The following PDZD8 variants were observed in gnomAD, a reference collection of about 807,000 sequenced individuals.
PDZD8 encodes PDZ domain-containing protein 8.
PDZD8 carries 14 observed loss-of-function variants against 85.8 expected under a neutral mutation model. The ratio of observed to expected loss-of-function variants is 0.16; its 90% CI spans 0.11 to 0.26. The LOEUF (loss-of-function observed/expected upper bound fraction) is 0.26, where lower values mean the gene tolerates loss of function less well. PDZD8 is among the 10% of genes least tolerant of loss of function. The probability of loss-of-function intolerance (pLI) is 1.00; values close to 1 mark genes in which losing one functional copy is unlikely to be tolerated. For missense variants in PDZD8, 1,197 were observed against 1,424.3 expected (o/e 0.84, Z 2.57); for synonymous variants, 592 against 568.6 (o/e 1.04, Z -0.59).
Position 117,374,497 on chromosome 10 carries a change from G to C in PDZD8, c.731C>G (p.Ser244Cys), listed in dbSNP as rs945507144. 16 of 1,613,534 alleles carry C rather than the reference G, an allele frequency of 9.9e-6. No homozygotes were observed. In the Admixed American group the frequency reaches 1.5e-4, roughly 15 times the overall value. ...GTCGATCAGCGGGTCTTCCACGAAGGAGAAGAACCAGTGGGTGAAGGGCAC... is the reference window on the plus strand; with the variant it reads ...GTCGATCAGCGGGTCTTCCACGAAGCAGAAGAACCAGTGGGTGAAGGGCAC... The part of the protein sequence containing the change: ...TRVPFTHWFF[S>C]FVEDPLIDFE... Residue 244 changes from serine to cysteine, a missense_variant, in exon 1 of 5, where the codon TCC (serine) becomes TGC (cysteine). Physicochemically the swap from Ser to Cys is moderately radical, Grantham distance 112. Around this residue, in one of 4 missense-constraint regions of PDZD8, gnomAD observed 344 missense variants for 453.6 expected, o/e 0.76. Coordinates refer to ENST00000334464, the MANE Select transcript of PDZD8 (RefSeq NM_173791.5). The surrounding 1 kb of genome is among the most constrained non-coding windows in gnomAD (Gnocchi z 7.8).
At chr10:117,293,912 C>CTGGAGAG (rs1843708789) in intron 3 of PDZD8, among the ~76,000 whole-genome samples, 1 of 151,912 alleles carries the variant, frequency 6.6e-6, no homozygotes, top group Non-Finnish European at 1.5e-5. Flanking sequence ...TAGGAAAACC[C>CTGGAGAG]CAAATATCTG....
At chr10:117,323,468 T>C (rs142442235) in intron 2 of PDZD8, among the ~76,000 whole-genome samples, 1 of 152,248 alleles carries the variant, frequency 6.6e-6, no homozygotes, top group East Asian at 1.9e-4. Context: ...TAAAACCCCC[T>C]GAAAATTCCA....
At chr10:117,333,053 A>G (rs1473213181) in intron 2 of PDZD8, among the ~76,000 whole-genome samples, 1 of 132,274 alleles carries the variant, frequency 7.6e-6, no homozygotes, top group East Asian at 2.5e-4. Context: ...TGGTAGGCAT[A>G]GGTTGTGGTG....
In PDZD8 at chr10:117,336,130, T is replaced by G. The variant is rs112495830; in HGVS notation, c.995+4850A>C. 3.9e-3 allele frequency among the ~76,000 whole-genome samples: 588 copies of G among 152,344 alleles called. 4 individuals are homozygous for G. Among genetic ancestry groups the G allele is most frequent in the African/African-American group, 0.013 (557 of 41,590 alleles). ...TACACTTTATAGCCTGAAGGTAATT[T>G]TATACAAAAATATTGTTTCCTGCAT... On this transcript the variant is annotated intron_variant, in intron 2 of 4. Coordinates refer to ENST00000334464, the MANE Select transcript of PDZD8 (RefSeq NM_173791.5).
At chr10:117,312,121 C>A (rs114353875) in intron 3 of PDZD8, among the ~76,000 whole-genome samples, 1 of 151,934 alleles carries the variant, frequency 6.6e-6, no homozygotes, top group Non-Finnish European at 1.5e-5. Flanking sequence ...AGAATGTATC[C>A]GAGGGCAAAC....
Position 117,283,023 on chromosome 10 carries a change from T to C in PDZD8, c.*245A>G. 1 of 426,700 alleles carries C rather than the reference T, an allele frequency of 2.3e-6. No individual in the cohort carries two copies. Among genetic ancestry groups the C allele is most frequent in the South Asian group, 6.1e-5 (1 of 16,420 alleles). 26.4% of individuals were successfully genotyped at this position (426,700 alleles called of 1,614,324 possible). A position where few individuals can be genotyped will look rare whatever the true frequency, so the allele number is the denominator to read the frequency against. On this transcript the variant is annotated 3_prime_UTR_variant, in exon 5 of 5. Transcript: ENST00000334464. ...TTACATAATTAGAAAAGTTAAATAA[T>C]TTAGTAAAAATAAATTCCCAGTATA...
In PDZD8 at chr10:117,341,055, T is replaced by A; in HGVS notation, c.920A>T (p.Asp307Val). 1 of 1,613,798 alleles carries A rather than the reference T, an allele frequency of 6.2e-7. No homozygotes were observed. The highest frequency in any genetic ancestry group is 8.5e-7 in the Non-Finnish European group (1 of 1,179,710). ...TTGTTGTATATGGATATGCTCTTCATCTTCTTCAAATCCTTGCAAGGTCTG... is the reference window on the plus strand; with the variant it reads ...TTGTTGTATATGGATATGCTCTTCAACTTCTTCAAATCCTTGCAAGGTCTG... Reference protein sequence around the residue: ...PYQTLQGFEEDEEHIHIQQWA... With the variant: ...PYQTLQGFEEVEEHIHIQQWA... Residue 307 changes from aspartate to valine, a missense_variant, in exon 2 of 5, where the codon GAT becomes GTT. Asp to Val is a radical substitution (Grantham distance 152). This residue lies in a region of PDZD8 where 344 missense variants were observed against 453.6 expected (regional missense o/e 0.76). Transcript: ENST00000334464.
intron 3 of PDZD8, among the ~76,000 whole-genome samples, chr10:117,304,426 T>G (rs1261639171): frequency 1.3e-5 from 2 of 152,162 alleles, no homozygotes; most frequent in African/African-American, 4.8e-5. Context: ...ACTTGCCTTG[T>G]CTCAGATGAG....
At chr10:117,361,776 G>A (rs1052907224) in intron 1 of PDZD8, among the ~76,000 whole-genome samples, 2 of 152,092 alleles carry the variant, frequency 1.3e-5, no homozygotes, top group Non-Finnish European at 2.9e-5. Context: ...AGACTGTTGC[G>A]ACTGTACAGA....
At chr10:117,315,836 T>C (rs1429037273) in intron 3 of PDZD8, among the ~76,000 whole-genome samples, 1 of 152,186 alleles carries the variant, frequency 6.6e-6, no homozygotes, top group Non-Finnish European at 1.5e-5. Context: ...GTAAGCACTA[T>C]ACATTCCACA....
At chr10:117,364,482 C>T (rs1232739521) in intron 1 of PDZD8, among the ~76,000 whole-genome samples, 1 of 90,912 alleles carries the variant, frequency 1.1e-5, no homozygotes, top group Non-Finnish European at 2.0e-5. Context: ...CACACACGCA[C>T]ACACACACAC....
intron 3 of PDZD8, among the ~76,000 whole-genome samples, chr10:117,315,126 C>T (rs1844101412): frequency 2.6e-5 from 4 of 152,056 alleles, no homozygotes; most frequent in Admixed American, 2.6e-4. Context: ...CTTCTCTTCC[C>T]CAGTGGCCTC....
At chr10:117,364,810 A>G (rs1454246286) in intron 1 of PDZD8, among the ~76,000 whole-genome samples, 1 of 152,106 alleles carries the variant, frequency 6.6e-6, no homozygotes, top group Non-Finnish European at 1.5e-5. Context: ...TATACATATT[A>G]TCTGAAGGGA....
intron 3 of PDZD8, among the ~76,000 whole-genome samples, chr10:117,316,037 T>C (rs946981000): frequency 1.3e-5 from 2 of 152,204 alleles, no homozygotes; most frequent in Non-Finnish European, 2.9e-5. Flanking sequence ...AAAGTAATTT[T>C]TAGTATTTAC....
Position 117,356,129 on chromosome 10 carries a change from T to C in PDZD8, c.873-15027A>G, listed in dbSNP as rs1844890993. ...AGATCTCAGTCTTATTTGTAAACTA[T>C]CAACTGGTTGATTCCATCTTCAATC... On this transcript the variant is annotated intron_variant, in intron 1 of 4. Coordinates refer to ENST00000334464, the MANE Select transcript of PDZD8 (RefSeq NM_173791.5). Among the ~76,000 whole-genome samples, 3 of 152,280 alleles carry C rather than the reference T, an allele frequency of 2.0e-5. No individual in the cohort carries two copies. In the South Asian group the frequency reaches 6.2e-4, roughly 32 times the overall value.
In PDZD8 at chr10:117,374,314, G is replaced by A. The variant is rs749737618; in HGVS notation, c.872+42C>T. On this transcript the variant is annotated intron_variant, in intron 1 of 4. Coordinates refer to ENST00000334464, the MANE Select transcript of PDZD8 (RefSeq NM_173791.5). The surrounding 1 kb of genome is among the most constrained non-coding windows in gnomAD (Gnocchi z 7.8). ...TCCACGCAGCGTCCCGCCCAGGCCC[G>A]GGTTCCCGGCAGCCAGGCCCCCTCC... The A allele has an allele frequency of 7.5e-6, 12 of 1,599,302 alleles. No individual in the cohort carries two copies. The African/African-American group carries it at 1.6e-4, about 21-fold the overall frequency.
intron 1 of PDZD8, among the ~76,000 whole-genome samples, chr10:117,356,692 T>A (rs1844900926): frequency 6.6e-6 from 1 of 152,202 alleles, no homozygotes; most frequent in Admixed American, 6.5e-5. Flanking sequence ...TAATCTATCA[T>A]TAAGGTAGGC....
At chr10:117,289,257 T>C (rs1389457142) in intron 4 of PDZD8, among the ~76,000 whole-genome samples, 1 of 152,242 alleles carries the variant, frequency 6.6e-6, no homozygotes, top group Non-Finnish European at 1.5e-5. Context: ...GATATGCAAC[T>C]AAATAATTTT....
chr10:117,333,117 CAAAAAAA>C (rs752527474), intron 2 of PDZD8, among the ~76,000 whole-genome samples: 1 of 7,264 alleles, frequency 1.4e-4, no homozygotes, highest in African/African-American at 2.4e-4. Flanking sequence ...GACTCTGTCT[CAAAAAAA>C]AAAAAAAAAA....
Sources: allele counts gnomAD v4.1 joint callset (sites outside exome capture counted in the v4.1 genomes callset), GRCh38; gene constraint gnomAD v4.1.1; regional missense constraint gnomAD v4.1.1; non-coding constraint Gnocchi (gnomAD v3.1); transcripts MANE v1.5; gene names NCBI Gene and HGNC (gene_info 2026-07-23, HGNC 2026-07-21).